The following CDKL4 variants were observed in gnomAD, a reference collection of about 807,000 sequenced individuals.
CDKL4 encodes cyclin dependent kinase like 4, also known as cyclin-dependent kinase-like 4.
In CDKL4, 44 loss-of-function variants were observed where a neutral mutation model predicts 42.0. That is an observed-to-expected ratio of 1.05 (90% CI 0.82 to 1.35). CDKL4 has a LOEUF of 1.35. CDKL4 is among the 40% of genes most tolerant of loss of function. The pLI, the probability that CDKL4 is intolerant of heterozygous loss-of-function variation, is 0.00. For synonymous variants in CDKL4, 120 were observed against 121.6 expected, an observed-to-expected ratio of 0.99 and a Z score of 0.09; for missense variants, 393 against 369.9, an observed-to-expected ratio of 1.06 and a Z score of -0.51.
intron 4 of CDKL4, among the ~76,000 whole-genome samples, chr2:39,210,078 C>G (rs902280901): frequency 1.3e-5 from 2 of 152,160 alleles, no homozygotes; most frequent in Non-Finnish European, 2.9e-5. Flanking sequence ...ACCTCTGCCT[C>G]TCGAGTTCAA....
chr2:39,172,108 A>C (rs1159824687), downstream of CDKL4, among the ~76,000 whole-genome samples: 1 of 152,124 alleles, frequency 6.6e-6, no homozygotes, highest in African/African-American at 2.4e-5. Flanking sequence ...CAGGGGTTCA[A>C]AACCAGCCTG....
intron 3 of CDKL4, among the ~76,000 whole-genome samples, chr2:39,223,396 C>T (rs1678493220): frequency 6.6e-6 from 1 of 152,096 alleles, no homozygotes; most frequent in Admixed American, 6.6e-5. Context: ...TAATGGCACT[C>T]TCTCTAGCCA....
chr2:39,243,071 G>A (rs1282965412), intron 1 of CDKL4, among the ~76,000 whole-genome samples: 2 of 120,778 alleles, frequency 1.7e-5, no homozygotes, highest in Non-Finnish European at 3.2e-5. Context: ...CCAAGGTGGC[G>A]CCACCGCCCC....
chr2:39,182,366 T>A (rs1675488312), intron 8 of CDKL4, among the ~76,000 whole-genome samples: 1 of 152,248 alleles, frequency 6.6e-6, no homozygotes, highest in Non-Finnish European at 1.5e-5. Flanking sequence ...ATTTTCATTT[T>A]AAAGAACATT....
At chr2:39,212,461 C>T (rs562121940) in intron 4 of CDKL4, among the ~76,000 whole-genome samples, 44 of 151,926 alleles carry the variant, frequency 2.9e-4, no homozygotes, top group African/African-American at 1.0e-3. Flanking sequence ...TCTCGATCTC[C>T]TGACTTCGTG....
At chr2:39,206,179 G>C (rs1163654820) in intron 4 of CDKL4, among the ~76,000 whole-genome samples, 1 of 151,832 alleles carries the variant, frequency 6.6e-6, no homozygotes, top group African/African-American at 2.4e-5. Context: ...TCAGCCTCCC[G>C]AGTGGCTGGG....
intron 1 of CDKL4, among the ~76,000 whole-genome samples, chr2:39,239,805 T>G (rs72921063): frequency 0.025 from 3,771 of 152,264 alleles, 144 homozygotes; most frequent in African/African-American, 0.087. Context: ...AAGTTAAACA[T>G]AGGGCCAGGC....
At position 39,191,495 on chromosome 2, in the gene CDKL4, C is replaced by G. The variant is rs116871287; in HGVS notation, c.455-993G>C. Among the ~76,000 whole-genome samples the G allele has an allele frequency of 5.9e-5, 9 of 152,354 alleles. No individual in the cohort carries two copies. In the East Asian group the frequency reaches 1.7e-3, roughly 29 times the overall value. On this transcript the variant is annotated intron_variant, in intron 5 of 9. Transcript: ENST00000451199. The stretch of plus-strand genomic sequence containing the variant: ...CTGCTGAAACCTTGATGGCAGATGT[C>G]TGGCCTCCAGAATTGTGAGAAAATA...
chr2:39,171,780 G>T (rs1353338645), downstream of CDKL4, among the ~76,000 whole-genome samples: 2 of 152,202 alleles, frequency 1.3e-5, no homozygotes, highest in Admixed American at 1.3e-4. Flanking sequence ...GTGGGAAGAG[G>T]CCACGAAGAG....
intron 2 of CDKL4, 31 bp from the exon 3 acceptor site, chr2:39,225,991 G>T: frequency 6.3e-7 from 1 of 1,598,108 alleles, no homozygotes; most frequent in Non-Finnish European, 8.5e-7. Flanking sequence ...AAAGTTAAGT[G>T]ATCTGTTACT....
intron 5 of CDKL4, among the ~76,000 whole-genome samples, chr2:39,201,095 T>C (rs1210597115): frequency 1.3e-5 from 2 of 151,972 alleles, no homozygotes; most frequent in Non-Finnish European, 2.9e-5. Flanking sequence ...ATCCAGAATC[T>C]ACAAGCAACT....
intron 4 of CDKL4, among the ~76,000 whole-genome samples, chr2:39,207,485 T>C (rs1293975395): frequency 1.3e-5 from 2 of 152,214 alleles, no homozygotes; most frequent in Non-Finnish European, 2.9e-5. Context: ...TCTGAGTCAG[T>C]AACACTCATA....
intron 1 of CDKL4, among the ~76,000 whole-genome samples, chr2:39,233,137 T>A (rs184485703): frequency 2.6e-5 from 4 of 151,072 alleles, no homozygotes; most frequent in Admixed American, 2.6e-4. Context: ...ACTGTAAACC[T>A]TGGCAGAACG....
chr2:39,200,693 T>C (rs762007587), intron 5 of CDKL4, among the ~76,000 whole-genome samples: 25 of 152,068 alleles, frequency 1.6e-4, no homozygotes, highest in Non-Finnish European at 3.4e-4. Context: ...CAAATACTTA[T>C]AGTCAAATGA....
chr2:39,185,387 CATGTATAT>C (rs1675734600), intron 7 of CDKL4, among the ~76,000 whole-genome samples: 2 of 3,170 alleles, frequency 6.3e-4, no homozygotes, highest in African/African-American at 1.3e-3. Flanking sequence ...TGTATATATA[CATGTATAT>C]ATACATATGT....
chr2:39,172,334 A>T (rs2148271487), downstream of CDKL4, among the ~76,000 whole-genome samples: 1 of 151,770 alleles, frequency 6.6e-6, no homozygotes, highest in South Asian at 2.1e-4. Context: ...AAAAAAAAAG[A>T]AAAAGAAAAA....
chr2:39,197,880 A>T (rs939365642), intron 5 of CDKL4, among the ~76,000 whole-genome samples: 1 of 150,016 alleles, frequency 6.7e-6, no homozygotes, highest in Non-Finnish European at 1.5e-5. Flanking sequence ...ACCAAAATAG[A>T]ATCTCCTTAA....
At chr2:39,169,198 T>C in the CDKL4 span, among the ~76,000 whole-genome samples, 1 of 152,242 alleles carries the variant, frequency 6.6e-6, no homozygotes, top group Admixed American at 6.5e-5. Flanking sequence ...TCATATCCAA[T>C]TCTTTGATGA....
At chr2:39,188,050 AG>A in intron 6 of CDKL4, among the ~76,000 whole-genome samples, 1 of 151,936 alleles carries the variant, frequency 6.6e-6, no homozygotes, top group East Asian at 2.0e-4. Flanking sequence ...CCTGGGCGAC[AG>A]AGCAAGACTC....
Sources: gnomAD v4.1 joint callset for allele counts (sites outside exome capture counted in the v4.1 genomes callset) on GRCh38, gnomAD v4.1.1 for gene constraint, MANE v1.5 for transcripts, NCBI Gene and HGNC (gene_info 2026-07-23, HGNC 2026-07-21) for gene names.